UVSSA: variants seen among roughly 807,000 people sequenced by gnomAD.
UVSSA encodes UV stimulated scaffold protein A.
Under a neutral mutation model 73.9 loss-of-function variants are expected in UVSSA, and 72 were observed. That is an observed-to-expected ratio of 0.97 (90% CI 0.81 to 1.19). The LOEUF (loss-of-function observed/expected upper bound fraction) is 1.19, where lower values mean the gene tolerates loss of function less well. Ranked by LOEUF, UVSSA falls within the 50% of genes most tolerant of loss-of-function variation. The pLI is 0.00. For missense variants in UVSSA, 1,150 were observed against 965.0 expected (o/e 1.19, Z -2.54); for synonymous variants, 454 against 391.3 (o/e 1.16, Z -1.89).
chr4:1,382,045 C>G (rs1049319134), intron 12 of UVSSA, among the ~76,000 whole-genome samples: 1 of 152,214 alleles, frequency 6.6e-6, no homozygotes, highest in Non-Finnish European at 1.5e-5. Flanking sequence ...AAGAGCAGCT[C>G]TGGGGGCCCA....
chr4:1,380,763 G>A (rs757235593), intron 11 of UVSSA, 117 bp from the exon 12 acceptor site: 1 of 1,573,924 alleles, frequency 6.4e-7, no homozygotes, highest in Non-Finnish European at 8.6e-7. Flanking sequence ...GTACACTTTG[G>A]CTCTGTGATA....
chr4:1,353,317 C>G lies in UVSSA; in HGVS notation c.838C>G (p.Pro280Ala), dbSNP rs1715095538. 6.2e-7 allele frequency: 1 copy of G among 1,611,682 alleles called. No individual in the cohort carries two copies. ...AQPSQTATGDPSDEDEDSDLE... is the reference protein window; with the variant it reads ...AQPSQTATGDASDEDEDSDLE... ...GCCATCCCAGACAGCCACAGGTGAC[C>G]CCTCAGATGAGGACGAGGACAGCGA... The change falls in exon 5 of 14, where the codon CCC (proline) becomes GCC (alanine). Residue 280 changes from proline to alanine, a missense_variant. Transcript: ENST00000389851.
chr4:1,381,847 A>C lies in UVSSA; in HGVS notation c.1861+859A>C, dbSNP rs527482520. ...ATGCCCGACTAATTTTTGTATTTTT[A>C]TTTTTAGTAGAGGTGGGGTGGCACT... is the stretch of plus-strand genomic sequence containing the variant. On this transcript the variant is annotated intron_variant, in intron 12 of 13. Transcript: ENST00000389851. Among the ~76,000 whole-genome samples, 77 of 151,912 alleles carry C rather than the reference A, an allele frequency of 5.1e-4. 1 individual carries two copies. The highest frequency in any genetic ancestry group is 1.8e-3 in the African/African-American group (76 of 41,448).
At chr4:1,360,598 G>T (rs573386717) in intron 7 of UVSSA, among the ~76,000 whole-genome samples, 6 of 152,198 alleles carry the variant, frequency 3.9e-5, no homozygotes, top group Non-Finnish European at 8.8e-5. Flanking sequence ...AGAGGCTGGC[G>T]TTCTGGCCCC....
Position 1,387,325 on chromosome 4 carries a change from C to T in UVSSA, c.*1364C>T, listed in dbSNP as rs13125500. On this transcript the variant is annotated 3_prime_UTR_variant, in exon 14 of 14. Transcript: ENST00000389851. ...TCTCTTGACCTCGTGATCCACCCACCTCGGCCTCCCATAGTGCTGGGATTA... is the reference window on the plus strand; with the variant it reads ...TCTCTTGACCTCGTGATCCACCCACTTCGGCCTCCCATAGTGCTGGGATTA... 0.042 allele frequency: 6,368 copies of T among 152,282 alleles called. 183 individuals carry two copies. The highest frequency in any genetic ancestry group is 0.062 in the Non-Finnish European group (4,242 of 68,022). The allele number at this position is 152,282 out of a possible 1,614,324, so 9.4% of individuals were successfully genotyped here.
At chr4:1,360,013 G>A (rs1028689075) in intron 7 of UVSSA, among the ~76,000 whole-genome samples, 4 of 152,236 alleles carry the variant, frequency 2.6e-5, no homozygotes, top group South Asian at 4.1e-4. Context: ...GGAATGAAAC[G>A]TGGACCCACC....
intron 7 of UVSSA, among the ~76,000 whole-genome samples, chr4:1,361,383 C>T (rs1399518643): frequency 2.0e-5 from 3 of 152,244 alleles, no homozygotes; most frequent in African/African-American, 7.2e-5. Flanking sequence ...TTGTGATATT[C>T]TTGTAAGAGC....
intron 13 of UVSSA, chr4:1,385,545 G>T (rs1387985370): frequency 2.8e-6 from 1 of 363,314 alleles, no homozygotes; most frequent in South Asian, 3.3e-5. Context: ...GGCCAAGGGG[G>T]AGGCTGCCCT....
chr4:1,365,510 C>T lies in UVSSA; in HGVS notation c.1177-810C>T, dbSNP rs1486944702. The stretch of plus-strand genomic sequence containing the variant: ...AAAGAAAGCAAGCCTTCCTGCCATT[C>T]TCCAGCTCCTCAATGGGAGGAGGGA... On this transcript the variant is annotated intron_variant, in intron 7 of 13. Coordinates refer to ENST00000389851, the MANE Select transcript of UVSSA (RefSeq NM_020894.4). Among the ~76,000 whole-genome samples the T allele has an allele frequency of 3.3e-5, 5 of 152,224 alleles. No individual in the cohort carries two copies. In the South Asian group the frequency reaches 6.2e-4, roughly 19 times the overall value.
chr4:1,354,817 G>C lies in UVSSA; in HGVS notation c.1017G>C (p.Lys339Asn). The C allele has an allele frequency of 1.2e-6, 2 of 1,611,612 alleles. No homozygotes were observed. The highest frequency in any genetic ancestry group is 8.5e-7 in the Non-Finnish European group (1 of 1,178,806). The stretch of plus-strand genomic sequence containing the variant: ...ACACACTCAAGCTCATCCGGAACAA[G>C]TTCCTGCCGGCTGTGTGCTCGTGGA... ...ARDTLKLIRN[K>N]FLPAVCSWIQ... is the part of the protein sequence containing the mutation. The change falls in exon 6 of 14, where the codon AAG (lysine) becomes AAC (asparagine). Residue 339 changes from lysine (K) to asparagine (N), a missense_variant. By Grantham distance (94) the Lys-to-Asn change is moderately conservative (BLOSUM62 0). Coordinates refer to ENST00000389851, the MANE Select transcript of UVSSA (RefSeq NM_020894.4).
intron 11 of UVSSA, 192 bp from the exon 12 acceptor site, chr4:1,380,688 G>A: frequency 1.3e-6 from 2 of 1,540,954 alleles, no homozygotes; most frequent in South Asian, 2.4e-5. Context: ...GAGGGACGGA[G>A]CCATCCCCAC....
chr4:1,389,203 A>C (rs1272695016), downstream of UVSSA: 1 of 152,152 alleles, frequency 6.6e-6, no homozygotes, highest in African/African-American at 2.4e-5. Flanking sequence ...CATTAAAAAA[A>C]ATTTTTTTAA....
At chr4:1,363,527 CG>C (rs1273475162) in intron 7 of UVSSA, among the ~76,000 whole-genome samples, 2 of 152,164 alleles carry the variant, frequency 1.3e-5, no homozygotes, top group African/African-American at 4.8e-5. Context: ...TTGTAGCACC[CG>C]GTCCACATCT....
At chr4:1,371,296 T>C (rs1718006591) in intron 8 of UVSSA, among the ~76,000 whole-genome samples, 1 of 135,984 alleles carries the variant, frequency 7.4e-6, no homozygotes, top group South Asian at 2.6e-4. Context: ...GTGTGTAAAA[T>C]CGATGACGTG....
intron 7 of UVSSA, chr4:1,358,582 A>G (rs1286311421): frequency 1.3e-5 from 2 of 152,266 alleles, no homozygotes; most frequent in Non-Finnish European, 2.9e-5. Context: ...TGCTTCCCAG[A>G]ATAGATGCCG....
chr4:1,360,144 G>T (rs1231092430), intron 7 of UVSSA, among the ~76,000 whole-genome samples: 2 of 152,230 alleles, frequency 1.3e-5, no homozygotes, highest in Non-Finnish European at 2.9e-5. Flanking sequence ...AGGCCAAGCC[G>T]CTGTGTGCGC....
In UVSSA at chr4:1,347,271, C is replaced by A. The variant is rs1040695741; in HGVS notation, c.-492C>A. ...TTACGCTGCCGGGCGGGGGTCGCGC[C>A]GGTTCGGTCCCCGGGGCTCTGCGGG... On this transcript the variant is annotated 5_prime_UTR_variant, in exon 1 of 14. Transcript: ENST00000389851. 2.0e-5 allele frequency: 3 copies of A among 148,132 alleles called. No individual in the cohort carries two copies. The highest frequency in any genetic ancestry group is 4.9e-5 in the African/African-American group (2 of 41,202). The allele number at this position is 148,132 out of a possible 1,614,324, so 9.2% of individuals were successfully genotyped here.
chr4:1,346,906 G>T (rs940327842), upstream of UVSSA, among the ~76,000 whole-genome samples: 1 of 152,238 alleles, frequency 6.6e-6, no homozygotes, highest in African/African-American at 2.4e-5. Flanking sequence ...ACCCCCGGCA[G>T]CCTGCCTCGC....
At chr4:1,395,892 G>A in exon 14 of UVSSA, 1 of 1,594,254 alleles carries the variant, frequency 6.3e-7, no homozygotes, top group Non-Finnish European at 8.6e-7. Context: ...GGGTGTTTTT[G>A]TAAAATTGAA....
Sources: gnomAD v4.1 joint callset for allele counts (sites outside exome capture counted in the v4.1 genomes callset) on GRCh38, gnomAD v4.1.1 for gene constraint, MANE v1.5 for transcripts, NCBI Gene and HGNC (gene_info 2026-07-23, HGNC 2026-07-21) for gene names.